Variants in SRPK2 observed in about 807,000 individuals in gnomAD.
SRPK2 encodes SRSF protein kinase 2, also known as SFRS protein kinase 2.
In SRPK2, 21 loss-of-function variants were observed where a neutral mutation model predicts 90.8. That is an observed-to-expected ratio of 0.23 (90% CI 0.16 to 0.33). The LOEUF is 0.33. SRPK2 is among the 10% of genes least tolerant of loss of function. SRPK2 has a pLI of 1.00. For synonymous variants in SRPK2, 288 were observed against 311.1 expected (o/e 0.93, Z 0.78); for missense variants, 620 against 869.0 (o/e 0.71, Z 3.60).
Position 105,367,066 on chromosome 7 carries a change from T to G in SRPK2, c.71+21582A>C, listed in dbSNP as rs563845215. On this transcript the variant is annotated intron_variant, in intron 2 of 15. Transcript: ENST00000393651. ...AAAAATATGAGATCACCTTTTTTTT[T>G]GTTTTTTTTTTTGTTTGTTTGTTTG... Among the ~76,000 whole-genome samples, 707 of 144,016 alleles carry G rather than the reference T, an allele frequency of 4.9e-3. 4 individuals carry two copies. Among genetic ancestry groups the G allele is most frequent in the African/African-American group, 0.017 (676 of 38,930 alleles). 94.5% of individuals were successfully genotyped at this position (144,016 alleles called of 152,430 possible). A position where few individuals can be genotyped will look rare whatever the true frequency, so the allele number is the denominator to read the frequency against.
At chr7:105,221,639 G>A (rs922089156) in intron 2 of SRPK2, among the ~76,000 whole-genome samples, 13 of 152,012 alleles carry the variant, frequency 8.6e-5, no homozygotes, top group Non-Finnish European at 1.6e-4. Flanking sequence ...GCTTTTTTCT[G>A]TGGTGTCTCC....
intron 2 of SRPK2, among the ~76,000 whole-genome samples, chr7:105,254,937 G>A (rs1379882425): frequency 6.6e-6 from 1 of 151,598 alleles, no homozygotes; most frequent in Non-Finnish European, 1.5e-5. Flanking sequence ...TGATCCACCC[G>A]CCTCGGCCTC....
At chr7:105,185,426 G>A (rs1793453045) in intron 3 of SRPK2, among the ~76,000 whole-genome samples, 1 of 152,032 alleles carries the variant, frequency 6.6e-6, no homozygotes, top group Admixed American at 6.6e-5. Context: ...TCCTTCCAAA[G>A]GTTAGGACCT....
intron 3 of SRPK2, among the ~76,000 whole-genome samples, chr7:105,181,881 T>TAAAAAAAA (rs755821029): frequency 1.5e-4 from 13 of 84,848 alleles, no homozygotes; most frequent in Admixed American, 4.0e-4. Context: ...AAGATAAAAG[T>TAAAAAAAA]AAAAAAAAAA....
At chr7:105,166,899 G>A (rs1441183080) in intron 6 of SRPK2, among the ~76,000 whole-genome samples, 2 of 152,160 alleles carry the variant, frequency 1.3e-5, no homozygotes, top group Admixed American at 6.5e-5. Context: ...GTACTATTCA[G>A]AACTAAGAGC....
chr7:105,156,348 C>T (rs1228977152), intron 7 of SRPK2, among the ~76,000 whole-genome samples: 2 of 152,162 alleles, frequency 1.3e-5, no homozygotes, highest in Non-Finnish European at 2.9e-5. Context: ...TAATAATACC[C>T]ATTTCACAGG....
At chr7:105,222,976 A>G (rs1798286970) in intron 2 of SRPK2, among the ~76,000 whole-genome samples, 2 of 152,200 alleles carry the variant, frequency 1.3e-5, no homozygotes, top group Non-Finnish European at 1.5e-5. Context: ...TTAAGTTTTA[A>G]TTTTCTTAAA....
intron 4 of SRPK2, 139 bp downstream of exon 4, chr7:105,169,018 T>C (rs1790465436): frequency 1.9e-6 from 1 of 512,910 alleles, no homozygotes; most frequent in African/African-American, 2.0e-5. Context: ...CAGGAAGGAA[T>C]CTAGCCAGCT....
chr7:105,152,991 G>A (rs867920341), intron 7 of SRPK2, among the ~76,000 whole-genome samples: 27 of 152,112 alleles, frequency 1.8e-4, no homozygotes, highest in African/African-American at 6.0e-4. Context: ...CCGAGATCGC[G>A]CCACTGCACT....
intron 3 of SRPK2, among the ~76,000 whole-genome samples, chr7:105,196,955 C>T (rs568764353): frequency 6.6e-6 from 1 of 152,142 alleles, no homozygotes; most frequent in South Asian, 2.1e-4. Flanking sequence ...GAGGCTGAGG[C>T]AGGAGAATTG....
intron 13 of SRPK2, among the ~76,000 whole-genome samples, chr7:105,127,521 T>C (rs957556364): frequency 5.9e-5 from 9 of 152,250 alleles, no homozygotes; most frequent in Non-Finnish European, 1.2e-4. Context: ...CCAAGGACTA[T>C]TTTCAGTATC....
In SRPK2 at chr7:105,117,058, T is replaced by G. The variant is rs1248893925; in HGVS notation, c.*780A>C. The G allele has an allele frequency of 6.6e-6, 1 of 152,250 alleles. No homozygotes were observed. The allele number at this position is 152,250 out of a possible 1,614,324, so 9.4% of individuals were successfully genotyped here. A position where few individuals can be genotyped will look rare whatever the true frequency, so the allele number is the denominator to read the frequency against. On this transcript the variant is annotated 3_prime_UTR_variant, in exon 16 of 16. Transcript: ENST00000393651. Reference sequence around the variant, plus strand: ...AAATTGCTCTTCTTTAAAAGTACTTTTAAAAATATGCAAAATCACAAATGG... The same window carrying G: ...AAATTGCTCTTCTTTAAAAGTACTTGTAAAAATATGCAAAATCACAAATGG...
Position 105,357,365 on chromosome 7 carries a change from G to T in SRPK2, c.71+31283C>A, listed in dbSNP as rs982995823. Among the ~76,000 whole-genome samples the T allele has an allele frequency of 3.9e-5, 6 of 152,272 alleles. No homozygotes were observed. The East Asian group carries it at 1.2e-3, about 29-fold the overall frequency. On this transcript the variant is annotated intron_variant, in intron 2 of 15. Coordinates refer to ENST00000393651, the MANE Select transcript of SRPK2 (RefSeq NM_182692.3). ...AATAACACTAATTTTTTAAAAAACT[G>T]CTGGAGTCCTCCATTCCTTTCATCA...
At chr7:105,245,241 C>T (rs1366885704) in intron 2 of SRPK2, among the ~76,000 whole-genome samples, 1 of 152,164 alleles carries the variant, frequency 6.6e-6, no homozygotes, top group Non-Finnish European at 1.5e-5. Flanking sequence ...CACTGAGTCT[C>T]AGTACAAAGG....
At chr7:105,142,542 G>T in intron 10 of SRPK2, 52 bp from the exon 11 acceptor site, 1 of 1,537,908 alleles carries the variant, frequency 6.5e-7, no homozygotes. Context: ...CCTTAATACA[G>T]CCTCATTAAG....
At chr7:105,322,603 A>C (rs1353589492) in intron 2 of SRPK2, among the ~76,000 whole-genome samples, 1 of 152,122 alleles carries the variant, frequency 6.6e-6, no homozygotes, top group Non-Finnish European at 1.5e-5. Flanking sequence ...CAGCTGCTTA[A>C]TGGGTAGAGT....
chr7:105,334,745 C>T (rs781758288), intron 2 of SRPK2, among the ~76,000 whole-genome samples: 1 of 131,376 alleles, frequency 7.6e-6, no homozygotes. Context: ...GAGGCTGAGG[C>T]GGGAGAATCA....
At chr7:105,326,492 C>G (rs892651243) in intron 2 of SRPK2, among the ~76,000 whole-genome samples, 4 of 152,128 alleles carry the variant, frequency 2.6e-5, no homozygotes, top group Non-Finnish European at 5.9e-5. Flanking sequence ...CACTGATTTG[C>G]CCAATATTAC....
At chr7:105,363,606 G>A (rs1223316886) in intron 2 of SRPK2, among the ~76,000 whole-genome samples, 1 of 152,162 alleles carries the variant, frequency 6.6e-6, no homozygotes, top group African/African-American at 2.4e-5. Flanking sequence ...CAACCCTTGT[G>A]GAAGGCAGTG....
Sources: gnomAD v4.1 joint callset for allele counts (sites outside exome capture counted in the v4.1 genomes callset) on GRCh38, gnomAD v4.1.1 for gene constraint, MANE v1.5 for transcripts, NCBI Gene and HGNC (gene_info 2026-07-23, HGNC 2026-07-21) for gene names.